Variants in CHSY1 observed in about 807,000 individuals in gnomAD.
The protein encoded by CHSY1 is N-acetylgalactosaminyl-proteoglycan 3-beta-glucuronosyltransferase 1.
CHSY1 carries 13 observed loss-of-function variants against 59.8 expected under a neutral mutation model. That is an observed-to-expected ratio of 0.22 (90% confidence interval 0.14 to 0.35). The LOEUF (loss-of-function observed/expected upper bound fraction) is 0.35. CHSY1 is among the 10% of genes least tolerant of loss of function. The pLI, the probability that CHSY1 is intolerant of heterozygous loss-of-function variation, is 1.00. For missense variants in CHSY1, 947 were observed against 1,030.6 expected, an observed-to-expected ratio of 0.92 and a Z score of 1.11; for synonymous variants, 459 against 401.2, an observed-to-expected ratio of 1.14 and a Z score of -1.72.
intron 1 of CHSY1, among the ~76,000 whole-genome samples, chr15:101,242,331 C>G (rs1417215840): frequency 6.6e-6 from 1 of 152,200 alleles, no homozygotes. Context: ...CTCTCAGGAG[C>G]CACCACTTCA....
At chr15:101,222,309 T>C (rs2038797432) in intron 2 of CHSY1, among the ~76,000 whole-genome samples, 1 of 152,222 alleles carries the variant, frequency 6.6e-6, no homozygotes, top group Non-Finnish European at 1.5e-5. Flanking sequence ...ATCATTTTTG[T>C]GTCCAATTAT....
intron 2 of CHSY1, among the ~76,000 whole-genome samples, chr15:101,215,188 G>A (rs549674210): frequency 2.0e-5 from 3 of 152,194 alleles, no homozygotes; most frequent in South Asian, 2.1e-4. Context: ...GCCCTGTCTC[G>A]GGCATTTCTT....
chr15:101,208,541 C>T (rs565052547), intron 2 of CHSY1, among the ~76,000 whole-genome samples: 143 of 151,948 alleles, frequency 9.4e-4, no homozygotes, highest in Non-Finnish European at 8.5e-4. Flanking sequence ...GGTGAAACCC[C>T]GTCTCTACTA....
chr15:101,239,612 G>C (rs1309446089), intron 1 of CHSY1, among the ~76,000 whole-genome samples: 1 of 152,220 alleles, frequency 6.6e-6, no homozygotes, highest in Non-Finnish European at 1.5e-5. Flanking sequence ...ACAAGAGTTT[G>C]CAAATCAAAT....
At chr15:101,194,172 C>G (rs1205409562) in intron 2 of CHSY1, among the ~76,000 whole-genome samples, 1 of 152,230 alleles carries the variant, frequency 6.6e-6, no homozygotes, top group Non-Finnish European at 1.5e-5. Flanking sequence ...TCACTAGTGA[C>G]AGTAGAGTTA....
chr15:101,177,131 T>A lies in CHSY1; in HGVS notation c.*257A>T, dbSNP rs558113670. On this transcript the variant is annotated 3_prime_UTR_variant, in exon 3 of 3. Coordinates refer to ENST00000254190, the MANE Select transcript of CHSY1 (RefSeq NM_014918.5). Reference sequence around the variant, plus strand: ...AGGGTCTCAAAAGAAAACATTTTTTTAAAAAAGTTTTGTTCATCAGGTACA... The same window carrying A: ...AGGGTCTCAAAAGAAAACATTTTTTAAAAAAAGTTTTGTTCATCAGGTACA... 3.1e-5 allele frequency: 12 copies of A among 386,144 alleles called. No homozygotes were observed. The highest frequency in any genetic ancestry group is 9.2e-5 in the South Asian group (2 of 21,646). The allele number at this position is 386,144 out of a possible 1,614,324, so 23.9% of individuals were successfully genotyped here. A position where few individuals can be genotyped will look rare whatever the true frequency, so the allele number is the denominator to read the frequency against.
intron 2 of CHSY1, among the ~76,000 whole-genome samples, chr15:101,183,881 ATG>A (rs1326613556): frequency 6.6e-6 from 1 of 152,236 alleles, no homozygotes; most frequent in African/African-American, 2.4e-5. Context: ...CAGACACGAT[ATG>A]TTACACATGG....
intron 1 of CHSY1, among the ~76,000 whole-genome samples, chr15:101,241,438 A>G (rs1030055601): frequency 1.3e-5 from 2 of 152,240 alleles, no homozygotes; most frequent in Non-Finnish European, 2.9e-5. Context: ...TGCAACAGGT[A>G]TATTTAGAGC....
chr15:101,250,066 G>C (rs1041612904), intron 1 of CHSY1, among the ~76,000 whole-genome samples: 1 of 152,132 alleles, frequency 6.6e-6, no homozygotes, highest in African/African-American at 2.4e-5. Context: ...TGAAAAATCT[G>C]ACCAAGACTG....
At chr15:101,232,369 A>G (rs2038900703) in intron 2 of CHSY1, among the ~76,000 whole-genome samples, 1 of 152,254 alleles carries the variant, frequency 6.6e-6, no homozygotes, top group Non-Finnish European at 1.5e-5. Context: ...GGTGAACACA[A>G]TGATAAACCT....
chr15:101,211,337 A>C (rs911854839), intron 2 of CHSY1, among the ~76,000 whole-genome samples: 1 of 152,230 alleles, frequency 6.6e-6, no homozygotes, highest in East Asian at 1.9e-4. Flanking sequence ...AAACAAACAA[A>C]GCACAATAGG....
chr15:101,215,755 A>G (rs2038726303), intron 2 of CHSY1, among the ~76,000 whole-genome samples: 1 of 152,236 alleles, frequency 6.6e-6, no homozygotes, highest in African/African-American at 2.4e-5. Context: ...ATACGAATTC[A>G]TCAACAAATG....
intron 2 of CHSY1, among the ~76,000 whole-genome samples, chr15:101,197,065 C>G (rs555456470): frequency 1.4e-4 from 21 of 152,262 alleles, no homozygotes; most frequent in African/African-American, 4.8e-4. Flanking sequence ...TGCTTGATTT[C>G]TTCCCAAAGA....
At chr15:101,189,330 T>TGACC in intron 2 of CHSY1, 1 of 577,144 alleles carries the variant, frequency 1.7e-6, no homozygotes, top group African/African-American at 2.1e-5. Context: ...GCGTCACACG[T>TGACC]GACCCAACAT....
In CHSY1 at chr15:101,190,714, T is replaced by C. The variant is rs145593177; in HGVS notation, c.817-11734A>G. On this transcript the variant is annotated intron_variant, in intron 2 of 2. Transcript: ENST00000254190. ...AATATTCACAGACTTATAAGACTTA[T>C]CTAAAATATACAAAGAATTTCTAAA... 2.3e-3 allele frequency among the ~76,000 whole-genome samples: 353 copies of C among 152,328 alleles called. 3 individuals carry two copies. The highest frequency in any genetic ancestry group is 7.4e-3 in the African/African-American group (309 of 41,576).
rs1322748807 is a variant in CHSY1 at position 101,235,313 on chromosome 15, A to T, written c.585T>A (p.Phe195Leu). ...TGGTGCCCAGGCCTGTCTGCCCAAG[A>T]AAGAGGGGCTCGCTGCTGTTCAAAC... is the stretch of plus-strand genomic sequence containing the variant. ...LRSLNSSEPL[F>L]LGQTGLGTTE... is the part of the protein sequence containing the mutation. Residue 195 changes from phenylalanine to leucine, a missense_variant, in exon 2 of 3, where the codon TTT (phenylalanine) becomes TTA (leucine). Phe to Leu is a conservative substitution (Grantham distance 22). Coordinates refer to ENST00000254190, the MANE Select transcript of CHSY1 (RefSeq NM_014918.5). The T allele has an allele frequency of 6.2e-7, 1 of 1,614,052 alleles. No individual in the cohort carries two copies. Among genetic ancestry groups the T allele is most frequent in the African/African-American group, 1.3e-5 (1 of 74,914 alleles).
chr15:101,211,033 A>G (rs923383640), intron 2 of CHSY1, among the ~76,000 whole-genome samples: 8 of 152,216 alleles, frequency 5.3e-5, no homozygotes, highest in Non-Finnish European at 8.8e-5. Flanking sequence ...TTAAAATGCA[A>G]TAGGTTTAGG....
intron 2 of CHSY1, among the ~76,000 whole-genome samples, chr15:101,191,122 G>A (rs751046834): frequency 5.3e-5 from 8 of 152,196 alleles, no homozygotes; most frequent in African/African-American, 9.7e-5. Flanking sequence ...GCATATGGGC[G>A]TTTCCAGCAC....
Position 101,178,018 on chromosome 15 carries a change from C to T in CHSY1, c.1779G>A (p.Lys593=), listed in dbSNP as rs2038216639. The T allele has an allele frequency of 6.2e-7, 1 of 1,614,186 alleles. No individual in the cohort carries two copies. The highest frequency in any genetic ancestry group is 8.5e-7 in the Non-Finnish European group (1 of 1,180,040). The part of the protein sequence containing the change: ...QVELMRDYRI[K]YPKADMQILP... Reference sequence around the variant, plus strand: ...AAATCTGCATGTCGGCTTTAGGGTACTTAATGCGGTAATCTCTCATCAGTT... The same window carrying T: ...AAATCTGCATGTCGGCTTTAGGGTATTTAATGCGGTAATCTCTCATCAGTT... The change falls in exon 3 of 3, where the codon AAG becomes AAA. Residue 593 remains lysine (K), a synonymous_variant. Transcript: ENST00000254190.
Sources: allele counts gnomAD v4.1 joint callset (sites outside exome capture counted in the v4.1 genomes callset), GRCh38; gene constraint gnomAD v4.1.1; transcripts MANE v1.5; gene names NCBI Gene and HGNC (gene_info 2026-07-23, HGNC 2026-07-21).